Variants in GABRB3 observed in about 807,000 individuals in gnomAD.
GABRB3 encodes gamma-aminobutyric acid type A receptor subunit beta3.
A neutral mutation model predicts 52.1 loss-of-function variants in GABRB3; 14 were observed. The observed-to-expected ratio is 0.27, with a 90% confidence interval of 0.18 to 0.42. GABRB3 has a LOEUF of 0.42. GABRB3 is among the 10% of genes least tolerant of loss of function. The probability of loss-of-function intolerance (pLI) is 1.00; values close to 1 mark genes in which losing one functional copy is unlikely to be tolerated. For missense variants in GABRB3, 307 were observed against 609.1 expected, an observed-to-expected ratio of 0.50 and a Z score of 5.22; for synonymous variants, 260 against 232.3, an observed-to-expected ratio of 1.12 and a Z score of -1.08.
At chr15:26,597,272 T>C (rs1891426037) in intron 4 of GABRB3, among the ~76,000 whole-genome samples, 1 of 152,122 alleles carries the variant, frequency 6.6e-6, no homozygotes, top group Admixed American at 6.6e-5. Flanking sequence ...GAAATTTTAA[T>C]AAATTGGCTC....
chr15:26,740,437 G>C (rs1404855457), intron 3 of GABRB3, among the ~76,000 whole-genome samples: 1 of 152,010 alleles, frequency 6.6e-6, no homozygotes, highest in Non-Finnish European at 1.5e-5. Context: ...TGACAAGGAC[G>C]CTGCAGTGAG....
intron 3 of GABRB3, among the ~76,000 whole-genome samples, chr15:26,693,194 G>T (rs1888638912): frequency 6.6e-6 from 1 of 152,130 alleles, no homozygotes; most frequent in African/African-American, 2.4e-5. Flanking sequence ...ACTCTGACAA[G>T]AATCAGGTGA....
At chr15:26,705,951 T>C (rs1238626468) in intron 3 of GABRB3, among the ~76,000 whole-genome samples, 1 of 152,170 alleles carries the variant, frequency 6.6e-6, no homozygotes, top group African/African-American at 2.4e-5. Flanking sequence ...GGTACCATGT[T>C]CACCATCTGG....
chr15:26,675,904 G>T (rs976246678), intron 3 of GABRB3, among the ~76,000 whole-genome samples: 3 of 152,130 alleles, frequency 2.0e-5, no homozygotes, highest in South Asian at 2.1e-4. Flanking sequence ...AAATGATTTC[G>T]CAGGGTTCTT....
At chr15:26,593,981 A>AATATGT (rs1891301003) in intron 4 of GABRB3, among the ~76,000 whole-genome samples, 1 of 133,972 alleles carries the variant, frequency 7.5e-6, no homozygotes, top group Non-Finnish European at 1.6e-5. Context: ...CTCATTTTAA[A>AATATGT]ATATATATAT....
chr15:26,687,033 A>T (rs4906687), intron 3 of GABRB3, among the ~76,000 whole-genome samples: 12,550 of 152,310 alleles, frequency 0.082, 612 homozygotes, highest in Middle Eastern at 0.16. Flanking sequence ...AGAGGCGCAC[A>T]GGGATGGCGA....
At chr15:26,594,548 T>A (rs1891327301) in intron 4 of GABRB3, among the ~76,000 whole-genome samples, 1 of 152,212 alleles carries the variant, frequency 6.6e-6, no homozygotes, top group Non-Finnish European at 1.5e-5. Context: ...CTAGGCTGAG[T>A]GTAGTGGCAT....
intron 8 of GABRB3, among the ~76,000 whole-genome samples, chr15:26,554,072 A>T (rs1451237242): frequency 1.1e-5 from 1 of 90,712 alleles, no homozygotes; most frequent in Non-Finnish European, 2.3e-5. Flanking sequence ...TAAAGTGTGT[A>T]TATATATAAA....
At chr15:26,728,003 G>A (rs1001271973) in intron 3 of GABRB3, among the ~76,000 whole-genome samples, 4 of 152,168 alleles carry the variant, frequency 2.6e-5, no homozygotes, top group African/African-American at 9.7e-5. Context: ...GAGAGGAGCT[G>A]TTATTCCCTT....
intron 3 of GABRB3, among the ~76,000 whole-genome samples, chr15:26,648,127 C>G (rs757267737): frequency 1.6e-4 from 25 of 152,254 alleles, no homozygotes; most frequent in Middle Eastern, 3.4e-3. Flanking sequence ...AACTCTGTGC[C>G]CATTAAACAC....
intron 3 of GABRB3, among the ~76,000 whole-genome samples, chr15:26,746,015 A>C (rs1472306486): frequency 1.3e-5 from 2 of 152,228 alleles, no homozygotes; most frequent in African/African-American, 4.8e-5. Flanking sequence ...ATTTTATAAG[A>C]AACTGCCAAC....
intron 3 of GABRB3, among the ~76,000 whole-genome samples, chr15:26,710,418 C>T (rs1303985047): frequency 3.3e-5 from 5 of 152,102 alleles, no homozygotes; most frequent in African/African-American, 9.7e-5. Context: ...CCTGCCACCA[C>T]GCCCAGCTAA....
intron 3 of GABRB3, among the ~76,000 whole-genome samples, chr15:26,679,773 G>A (rs1888180857): frequency 6.6e-6 from 1 of 152,094 alleles, no homozygotes; most frequent in South Asian, 2.1e-4. Flanking sequence ...TGCATCAGAT[G>A]AAATGCTGCA....
chr15:26,581,072 C>T (rs969627732), intron 5 of GABRB3: 16 of 190,934 alleles, frequency 8.4e-5, no homozygotes, highest in African/African-American at 3.8e-4. Context: ...TCAGAAAGAA[C>T]AGTGGTCGTT....
intron 3 of GABRB3, among the ~76,000 whole-genome samples, chr15:26,732,357 GAGAGATAA>G (rs1889950858): frequency 9.5e-6 from 1 of 105,164 alleles, no homozygotes; most frequent in South Asian, 2.8e-4. Flanking sequence ...TGAGTAGATA[GAGAGATAA>G]ATAAACAGCA....
intron 3 of GABRB3, among the ~76,000 whole-genome samples, chr15:26,660,768 G>A (rs957977020): frequency 2.6e-5 from 4 of 152,170 alleles, no homozygotes; most frequent in Admixed American, 6.5e-5. Context: ...GATCTGTTAC[G>A]ATGTTAAAGT....
rs1042949316 is a variant in GABRB3 at position 26,544,164 on chromosome 15, A to G, written c.*3629T>C. 2.0e-5 allele frequency: 3 copies of G among 152,592 alleles called. No homozygotes were observed. The highest frequency in any genetic ancestry group is 4.4e-5 in the Non-Finnish European group (3 of 68,044). 9.5% of individuals were successfully genotyped at this position (152,592 alleles called of 1,614,324 possible). A position where few individuals can be genotyped will look rare whatever the true frequency, so the allele number is the denominator to read the frequency against. On this transcript the variant is annotated 3_prime_UTR_variant, in exon 9 of 9. Transcript: ENST00000311550. ...ACTGGTTTTCAGGTGGAGAGTTAAA[A>G]TAAGAATTAAGTGATGGTTTATACT...
At chr15:26,564,301 C>A (rs1830196983) in intron 7 of GABRB3, among the ~76,000 whole-genome samples, 1 of 152,174 alleles carries the variant, frequency 6.6e-6, no homozygotes, top group South Asian at 2.1e-4. Flanking sequence ...TGAGGGAGGC[C>A]ATCTAATTAC....
intron 3 of GABRB3, among the ~76,000 whole-genome samples, chr15:26,717,179 C>T (rs1346615429): frequency 4.7e-5 from 7 of 148,636 alleles, no homozygotes; most frequent in Admixed American, 4.7e-4. Context: ...CTCTGGGGAC[C>T]TCCACCCTAT....
Sources: gnomAD v4.1 joint callset for allele counts (sites outside exome capture counted in the v4.1 genomes callset) on GRCh38, gnomAD v4.1.1 for gene constraint, MANE v1.5 for transcripts, NCBI Gene and HGNC (gene_info 2026-07-23, HGNC 2026-07-21) for gene names.